Variants in IFFO2 observed in about 807,000 individuals in gnomAD.
IFFO2 encodes intermediate filament family orphan 2.
Under a neutral mutation model 53.5 loss-of-function variants are expected in IFFO2, and 19 were observed. The ratio of observed to expected loss-of-function variants is 0.36; its 90% CI spans 0.25 to 0.52. The LOEUF is 0.52. Among genes scored for constraint, IFFO2 ranks in the 20% least tolerant of loss-of-function variants. The probability of loss-of-function intolerance (pLI) is 0.94; values close to 1 mark genes in which losing one functional copy is unlikely to be tolerated. For missense variants in IFFO2, 570 were observed against 727.4 expected (o/e 0.78, Z 2.49); for synonymous variants, 303 against 313.6 (o/e 0.97, Z 0.36).
At chr1:18,934,176 C>G (rs1301427080) in intron 1 of IFFO2, among the ~76,000 whole-genome samples, 1 of 146,042 alleles carries the variant, frequency 6.8e-6, no homozygotes, top group African/African-American at 2.6e-5. Flanking sequence ...CAAGCAATCC[C>G]CCTGCCTCAG....
chr1:18,922,117 G>C (rs1046859572), intron 1 of IFFO2, among the ~76,000 whole-genome samples: 2 of 152,198 alleles, frequency 1.3e-5, no homozygotes, highest in African/African-American at 4.8e-5. Context: ...GGGTGAGATA[G>C]TGTGGAACTA....
rs1258096708 is a variant in IFFO2, at chr1:18,918,677, G to T, written c.823-175C>A. On this transcript the variant is annotated intron_variant, in intron 3 of 8. Coordinates refer to ENST00000455833, the MANE Select transcript of IFFO2 (RefSeq NM_001136265.2). This position sits in a 1 kb window ranked among gnomAD's most constrained non-coding sequence, Gnocchi z 5.2. ...GGAGGGCTGCGGCGGCACTGGTCAG[G>T]GTGGGATGGGGTTGGGGCCTTGGGA... 1.3e-5 allele frequency among the ~76,000 whole-genome samples: 2 copies of T among 151,960 alleles called. No homozygotes were observed. The highest frequency in any genetic ancestry group is 2.9e-5 in the Non-Finnish European group (2 of 67,974).
intron 1 of IFFO2, among the ~76,000 whole-genome samples, chr1:18,938,804 G>C (rs1487282503): frequency 6.6e-6 from 1 of 152,226 alleles, no homozygotes; most frequent in Non-Finnish European, 1.5e-5. Context: ...ACAGACAGCA[G>C]GGGCCACGCC....
At chr1:18,925,998 G>T (rs1160919261) in intron 1 of IFFO2, among the ~76,000 whole-genome samples, 60 of 69,124 alleles carry the variant, frequency 8.7e-4, no homozygotes, top group East Asian at 1.3e-3. Context: ...ATGGATGGAT[G>T]GATTGGTTGG....
intron 1 of IFFO2, among the ~76,000 whole-genome samples, chr1:18,944,855 G>C (rs1162551387): frequency 6.6e-6 from 1 of 152,160 alleles, no homozygotes; most frequent in Non-Finnish European, 1.5e-5. Context: ...AAAGAGTAGA[G>C]ATCAAAACAA....
chr1:18,913,998 AT>A (rs1035061615), intron 5 of IFFO2, among the ~76,000 whole-genome samples: 1 of 151,744 alleles, frequency 6.6e-6, no homozygotes, highest in Non-Finnish European at 1.5e-5. Context: ...CGCCCGGCTA[AT>A]TTTTTGTATT....
intron 1 of IFFO2, among the ~76,000 whole-genome samples, chr1:18,929,498 G>A (rs1040708019): frequency 6.6e-6 from 1 of 152,220 alleles, no homozygotes; most frequent in African/African-American, 2.4e-5. Context: ...GCAAGGAGGT[G>A]AAAGTGAGTC....
At chr1:18,929,423 C>T (rs1288890666) in intron 1 of IFFO2, among the ~76,000 whole-genome samples, 1 of 152,236 alleles carries the variant, frequency 6.6e-6, no homozygotes, top group Non-Finnish European at 1.5e-5. Context: ...TGTCCTGGCC[C>T]TCTGGGGACC....
chr1:18,913,935 C>A (rs1011961102), intron 5 of IFFO2, among the ~76,000 whole-genome samples: 7 of 152,146 alleles, frequency 4.6e-5, no homozygotes, highest in Admixed American at 2.0e-4. Context: ...GGGTTCACGC[C>A]ATTCTCCTGC....
At chr1:18,935,480 A>G (rs981060639) in intron 1 of IFFO2, among the ~76,000 whole-genome samples, 3 of 151,070 alleles carry the variant, frequency 2.0e-5, no homozygotes, top group Non-Finnish European at 2.9e-5. Context: ...CAGGTTCTAC[A>G]CCCCTTCCCC....
At chr1:18,952,117 T>C (rs1028849055) in intron 1 of IFFO2, among the ~76,000 whole-genome samples, 2 of 152,138 alleles carry the variant, frequency 1.3e-5, no homozygotes, top group African/African-American at 2.4e-5. Context: ...TCAGATAAAC[T>C]CAGTGGGAAA....
intron 1 of IFFO2, among the ~76,000 whole-genome samples, chr1:18,927,993 T>C (rs570144946): frequency 5.9e-5 from 9 of 152,298 alleles, no homozygotes; most frequent in Admixed American, 5.9e-4. Context: ...GGGCTGGGAA[T>C]ACAATGTGGA....
At chr1:18,908,878 T>C (rs1002771245) in intron 8 of IFFO2, among the ~76,000 whole-genome samples, 2 of 152,108 alleles carry the variant, frequency 1.3e-5, no homozygotes, top group African/African-American at 4.8e-5. Flanking sequence ...TGTGTTGGCT[T>C]CTCTAGGAAG....
At chr1:18,921,616 G>A (rs906423557) in intron 1 of IFFO2, among the ~76,000 whole-genome samples, 3 of 152,196 alleles carry the variant, frequency 2.0e-5, no homozygotes, top group East Asian at 1.9e-4. Flanking sequence ...TCTCTCCTAC[G>A]TAGGTGTTAT....
intron 1 of IFFO2, among the ~76,000 whole-genome samples, chr1:18,953,700 A>C (rs1470907436): frequency 2.0e-5 from 3 of 152,198 alleles, no homozygotes; most frequent in Admixed American, 6.5e-5. Context: ...CACGCATCCC[A>C]GAAGGGCGGG....
chr1:18,915,072 C>G (rs189499442), intron 5 of IFFO2, among the ~76,000 whole-genome samples: 1 of 152,272 alleles, frequency 6.6e-6, no homozygotes, highest in African/African-American at 2.4e-5. Context: ...TAAAAGTCAG[C>G]CTAGAATAGG....
At position 18,911,489 on chromosome 1, in the gene IFFO2, AACAAACGGG is replaced by A; in HGVS notation, c.1225-22_1225-14del. 4 of 1,249,728 alleles carry A rather than the reference AACAAACGGG, an allele frequency of 3.2e-6. No individual in the cohort carries two copies. Among genetic ancestry groups the A allele is most frequent in the Non-Finnish European group, 3.3e-6 (3 of 903,522 alleles). 77.4% of individuals were successfully genotyped at this position (1,249,728 alleles called of 1,614,324 possible). On this transcript the variant is annotated splice_polypyrimidine_tract_variant and intron_variant, in intron 6 of 8. Coordinates refer to ENST00000455833, the MANE Select transcript of IFFO2 (RefSeq NM_001136265.2). ...AGTTTTCCTCTTGCTGGGGAAATAG[AACAAACGGG>A]ACAGTTTATTTTATTTATTTATTTA...
At chr1:18,910,236 C>T (rs560225758) in intron 8 of IFFO2, 106 bp downstream of exon 8, 40 of 1,293,304 alleles carry the variant, frequency 3.1e-5, no homozygotes, top group Non-Finnish European at 4.1e-5. Flanking sequence ...GACAGATGGA[C>T]GGACAGAGAG....
intron 1 of IFFO2, among the ~76,000 whole-genome samples, chr1:18,931,375 A>T (rs1936373082): frequency 6.6e-6 from 1 of 152,230 alleles, no homozygotes; most frequent in Non-Finnish European, 1.5e-5. Context: ...AAAAATCTGC[A>T]TCACAAATTG....
Sources: allele counts gnomAD v4.1 joint callset (sites outside exome capture counted in the v4.1 genomes callset), GRCh38; gene constraint gnomAD v4.1.1; non-coding constraint Gnocchi (gnomAD v3.1); transcripts MANE v1.5; gene names NCBI Gene and HGNC (gene_info 2026-07-23, HGNC 2026-07-21).